Variants in RNF111 observed in about 807,000 individuals in gnomAD.
RNF111 encodes the protein E3 ubiquitin-protein ligase Arkadia.
Under a neutral mutation model 95.1 loss-of-function variants are expected in RNF111, and 17 were observed. The ratio of observed to expected loss-of-function variants is 0.18; its 90% CI spans 0.12 to 0.27. The LOEUF (loss-of-function observed/expected upper bound fraction) is 0.27, where lower values mean the gene tolerates loss of function less well. Among genes scored for constraint, RNF111 ranks in the 10% least tolerant of loss-of-function variants. The pLI, the probability that RNF111 is intolerant of heterozygous loss-of-function variation, is 1.00. For synonymous variants in RNF111, 440 were observed against 414.8 expected, an observed-to-expected ratio of 1.06 and a Z score of -0.74; for missense variants, 1,189 against 1,210.4, an observed-to-expected ratio of 0.98 and a Z score of 0.26.
intron 10 of RNF111, among the ~76,000 whole-genome samples, chr15:59,087,114 TA>T (rs2078922053): frequency 2.0e-5 from 3 of 152,238 alleles, no homozygotes; most frequent in Admixed American, 1.3e-4. Context: ...AATAGGAAGT[TA>T]AGCCTGTGGT....
At chr15:59,042,475 C>T (rs1188844372) in intron 2 of RNF111, among the ~76,000 whole-genome samples, 6 of 152,106 alleles carry the variant, frequency 3.9e-5, no homozygotes, top group African/African-American at 1.4e-4. Context: ...CTTACTGCTT[C>T]TGGATTTTGA....
At chr15:59,085,575 T>C in intron 9 of RNF111, 84 bp from the exon 10 acceptor site, 1 of 1,228,338 alleles carries the variant, frequency 8.1e-7, no homozygotes, top group Non-Finnish European at 1.1e-6. Context: ...TAGATTACTT[T>C]TTTAAGTGTA....
intron 5 of RNF111, among the ~76,000 whole-genome samples, chr15:59,061,377 T>C (rs1014428997): frequency 1.3e-5 from 2 of 152,174 alleles, no homozygotes; most frequent in East Asian, 1.9e-4. Context: ...TTCACACTTA[T>C]CCAAGTTCCT....
intron 6 of RNF111, among the ~76,000 whole-genome samples, chr15:59,074,219 A>G (rs1329136999): frequency 6.6e-6 from 1 of 152,218 alleles, no homozygotes; most frequent in Non-Finnish European, 1.5e-5. Flanking sequence ...TGGAATTGCA[A>G]ATGAGCATTG....
At chr15:59,060,947 G>A (rs1036781978) in intron 5 of RNF111, among the ~76,000 whole-genome samples, 12 of 151,788 alleles carry the variant, frequency 7.9e-5, no homozygotes, top group Non-Finnish European at 1.2e-4. Flanking sequence ...TGACCACCAC[G>A]TCCGGCTAAT....
At chr15:59,049,735 TTC>T (rs1181742613) in intron 2 of RNF111, 1 of 143,756 alleles carries the variant, frequency 7.0e-6, no homozygotes, top group South Asian at 1.9e-4. Context: ...CATTTTCTTT[TTC>T]TTTCTTTCTT....
Position 59,055,690 on chromosome 15 carries a change from C to T in RNF111, c.1016C>T (p.Ser339Leu), listed in dbSNP as rs1325738378. Residue 339 changes from serine to leucine, a missense_variant, in exon 4 of 14, where the codon TCA becomes TTA. Physicochemically the swap from Ser to Leu is moderately radical, Grantham distance 145. Around this residue, in one of 2 missense-constraint regions of RNF111, gnomAD observed 1,024 missense variants for 925.9 expected, o/e 1.11. Transcript: ENST00000348370. ...VTVGESYRSR[S>L]TLGHSRSHWS... ...TATTGATGTCATTTAAGGTCTCGTT[C>T]AACCCTTGGACACTCCAGATCTCAT... 6.2e-7 allele frequency: 1 copy of T among 1,606,744 alleles called. No homozygotes were observed. The highest frequency in any genetic ancestry group is 8.5e-7 in the Non-Finnish European group (1 of 1,176,696).
intron 7 of RNF111, among the ~76,000 whole-genome samples, chr15:59,079,849 A>G (rs187131045): frequency 1.1e-4 from 17 of 152,274 alleles, no homozygotes; most frequent in Middle Eastern, 3.4e-3. Flanking sequence ...ACCTTAATGT[A>G]GCACAGGAAT....
At position 59,055,769 on chromosome 15, in the gene RNF111, C is replaced by T. The variant is rs1328695805; in HGVS notation, c.1095C>T (p.Arg365=). ...HASRPQEPRN[R]SRISTVIQPL... ...GTCGGCCACAGGAGCCACGGAACCG[C>T]AGTAGGATTTCTACTGTTATACAGC... Residue 365 remains arginine, a synonymous_variant, in exon 4 of 14, where the codon CGC becomes CGT. Transcript: ENST00000348370. 6.2e-7 allele frequency: 1 copy of T among 1,613,944 alleles called. No homozygotes were observed. The highest frequency in any genetic ancestry group is 2.2e-5 in the East Asian group (1 of 44,862).
chr15:59,060,622 A>G (rs572072880), intron 5 of RNF111, among the ~76,000 whole-genome samples: 56 of 152,246 alleles, frequency 3.7e-4, no homozygotes, highest in Admixed American at 3.1e-3. Flanking sequence ...ATGACAGAGT[A>G]AGACCCTGTT....
At chr15:59,054,182 C>T (rs1201465726) in intron 3 of RNF111, among the ~76,000 whole-genome samples, 1 of 152,106 alleles carries the variant, frequency 6.6e-6, no homozygotes, top group African/African-American at 2.4e-5. Flanking sequence ...TGTGATCCAC[C>T]CGCCTCGGCC....
intron 2 of RNF111, among the ~76,000 whole-genome samples, chr15:59,041,680 A>T (rs1206518559): frequency 6.6e-6 from 1 of 152,214 alleles, no homozygotes; most frequent in Non-Finnish European, 1.5e-5. Context: ...GGATAAATGC[A>T]TATGTTATTT....
At chr15:59,058,619 T>A in intron 5 of RNF111, 69 bp downstream of exon 5, 2 of 1,380,196 alleles carry the variant, frequency 1.4e-6, no homozygotes, top group Non-Finnish European at 1.0e-6. Context: ...TTATTGTTTT[T>A]AAGTCTAAGA....
chr15:59,095,023 G>A lies in RNF111; in HGVS notation c.*123G>A. 1.4e-6 allele frequency: 1 copy of A among 734,294 alleles called. No homozygotes were observed. Among genetic ancestry groups the A allele is most frequent in the Non-Finnish European group, 2.5e-6 (1 of 405,126 alleles). The allele number at this position is 734,294 out of a possible 1,614,324, so 45.5% of individuals were successfully genotyped here. ...GCATTGAACTTAGAGTGCTGGCTCT[G>A]CTATATGGTACAACTAATGCTAGAC... On this transcript the variant is annotated 3_prime_UTR_variant, in exon 14 of 14. Transcript: ENST00000348370.
Position 59,073,464 on chromosome 15 carries a change from G to T in RNF111, c.1687-2490G>T, listed in dbSNP as rs1298442413. 2.0e-5 allele frequency among the ~76,000 whole-genome samples: 3 copies of T among 147,918 alleles called. No individual in the cohort carries two copies. In the East Asian group the frequency reaches 5.9e-4, roughly 29 times the overall value. On this transcript the variant is annotated intron_variant, in intron 6 of 13. Coordinates refer to ENST00000348370, the MANE Select transcript of RNF111 (RefSeq NM_017610.8). Reference sequence around the variant, plus strand: ...CTACTGCACACCAACCTGGGCAATAGAGTGAGACACCATCTCCAAAAAAAA... The same window carrying T: ...CTACTGCACACCAACCTGGGCAATATAGTGAGACACCATCTCCAAAAAAAA...
chr15:59,002,227 T>G, intron 1 of RNF111, among the ~76,000 whole-genome samples: 1 of 152,352 alleles, frequency 6.6e-6, no homozygotes, highest in East Asian at 1.9e-4. Flanking sequence ...TCTATTTTCT[T>G]GACTATCTTC....
At chr15:59,013,824 TGTTGCCCAGGCTGGA>T (rs1417824244) in intron 1 of RNF111, among the ~76,000 whole-genome samples, 13 of 152,130 alleles carry the variant, frequency 8.5e-5, no homozygotes, top group African/African-American at 3.1e-4. Flanking sequence ...AGTCTCACTC[TGTTGCCCAGGCTGGA>T]GTATAGTGGT....
chr15:59,044,180 A>G (rs115498689), intron 2 of RNF111, among the ~76,000 whole-genome samples: 10,769 of 152,172 alleles, frequency 0.071, 374 homozygotes, highest in Middle Eastern at 0.095. Context: ...AGAGGCACAC[A>G]TCACCATGCC....
chr15:59,024,492 A>AAT (rs2040503902), intron 1 of RNF111, among the ~76,000 whole-genome samples: 1 of 152,166 alleles, frequency 6.6e-6, no homozygotes, highest in South Asian at 2.1e-4. Flanking sequence ...ACAGAATATG[A>AAT]GTTTGAGTGA....
Sources: allele counts gnomAD v4.1 joint callset (sites outside exome capture counted in the v4.1 genomes callset), GRCh38; gene constraint gnomAD v4.1.1; regional missense constraint gnomAD v4.1.1; transcripts MANE v1.5; gene names NCBI Gene and HGNC (gene_info 2026-07-23, HGNC 2026-07-21).